The following VPS51 variants were observed in gnomAD, a reference collection of about 807,000 sequenced individuals.
The protein encoded by VPS51 is vacuolar protein sorting-associated protein 51 homolog.
Under a neutral mutation model 65.1 loss-of-function variants are expected in VPS51, and 55 were observed. The ratio of observed to expected loss-of-function variants is 0.84; its 90% CI spans 0.68 to 1.06. VPS51 has a LOEUF of 1.06. Ranked by LOEUF, VPS51 falls within the 50% of genes least tolerant of loss-of-function variation. The probability of loss-of-function intolerance (pLI) is 0.00; values close to 1 mark genes in which losing one functional copy is unlikely to be tolerated. For synonymous variants in VPS51, 473 were observed against 489.5 expected (o/e 0.97, Z 0.44); for missense variants, 943 against 1,101.6 (o/e 0.86, Z 2.04).
Position 65,109,918 on chromosome 11 carries a change from G to A in VPS51, c.1873G>A (p.Val625Met), listed in dbSNP as rs780357113. Residue 625 changes from valine (V) to methionine (M), a missense_variant, in exon 7 of 10, where the codon GTG (valine) becomes ATG (methionine). Physicochemically the swap from Val to Met is conservative, Grantham distance 21. Around this residue, in one of 2 missense-constraint regions of VPS51, gnomAD observed 855 missense variants for 953.7 expected, o/e 0.90. Transcript: ENST00000279281. ...RVVEDTTAID[V>M]QVGLLYEEGV... ...GGTGGAGGATACCACCGCCATCGAC[G>A]TGCAGGTGCTGCCCAGGCTGGCCGG... The A allele has an allele frequency of 5.6e-6, 9 of 1,597,708 alleles. No individual in the cohort carries two copies. Among genetic ancestry groups the A allele is most frequent in the Admixed American group, 1.7e-5 (1 of 57,996 alleles).
At position 65,111,398 on chromosome 11, in the gene VPS51, T is replaced by G. The variant is rs1017320178; in HGVS notation, c.2160T>G (p.Phe720Leu). ...TGGAGTGTGTGCGGCTGCGCACCTTTGGGCGCTTCGGGCTGCAGCAGGTGC... is the reference window on the plus strand; with the variant it reads ...TGGAGTGTGTGCGGCTGCGCACCTTGGGGCGCTTCGGGCTGCAGCAGGTGC... ...TLLECVRLRT[F>L]GRFGLQQVQV... Residue 720 changes from phenylalanine (F) to leucine (L), a missense_variant, in exon 10 of 10, where the codon TTT (phenylalanine) becomes TTG (leucine). Around this residue, in one of 2 missense-constraint regions of VPS51, gnomAD observed 88 missense variants for 147.8 expected, o/e 0.60. Coordinates refer to ENST00000279281, the MANE Select transcript of VPS51 (RefSeq NM_013265.4). The G allele has an allele frequency of 6.2e-7, 1 of 1,612,996 alleles. No homozygotes were observed. The highest frequency in any genetic ancestry group is 8.5e-7 in the Non-Finnish European group (1 of 1,180,024).
At chr11:65,103,881 G>A (rs1201645213) in intron 2 of VPS51, among the ~76,000 whole-genome samples, 3 of 150,156 alleles carry the variant, frequency 2.0e-5, no homozygotes, top group Non-Finnish European at 3.0e-5. Context: ...TTATAGTAAC[G>A]TTTACAGGGT....
In VPS51 at chr11:65,111,317, CT is replaced by C; in HGVS notation, c.2089-9del. The C allele has an allele frequency of 6.2e-7, 1 of 1,601,328 alleles. No homozygotes were observed. The highest frequency in any genetic ancestry group is 8.5e-7 in the Non-Finnish European group (1 of 1,179,706). ...GTCCCCAAGCTGCATCCCTGTGTCC[CT>C]GCCTGCAGGTGTCGGTGCTGACCGG... On this transcript the variant is annotated splice_polypyrimidine_tract_variant and intron_variant, in intron 9 of 9. Coordinates refer to ENST00000279281, the MANE Select transcript of VPS51 (RefSeq NM_013265.4).
At chr11:65,111,299 A>G (rs948309517) in intron 9 of VPS51, 28 bp from the exon 10 acceptor site, 8 of 1,599,504 alleles carry the variant, frequency 5.0e-6, no homozygotes, top group African/African-American at 2.7e-5. Flanking sequence ...GCAGTCCCCA[A>G]GCTGCATCCC....
At position 65,107,364 on chromosome 11, in the gene VPS51, G is replaced by A. The variant is rs1378685766; in HGVS notation, c.359-217G>A. ...CTGGGCACCAGGGTTAGGGGGTTAC[G>A]GGGAGTATGTGAGTAACGCCTGCTT... is the stretch of plus-strand genomic sequence containing the variant. On this transcript the variant is annotated intron_variant, in intron 2 of 9. Transcript: ENST00000279281. This position sits in a 1 kb window ranked among gnomAD's most constrained non-coding sequence, Gnocchi z 4.0. 3 of 643,080 alleles carry A rather than the reference G, an allele frequency of 4.7e-6. No individual in the cohort carries two copies. Among genetic ancestry groups the A allele is most frequent in the Admixed American group, 2.4e-5 (1 of 41,800 alleles). The allele number at this position is 643,080 out of a possible 1,614,324, so 39.8% of individuals were successfully genotyped here.
intron 2 of VPS51, among the ~76,000 whole-genome samples, chr11:65,101,786 A>G (rs1288445662): frequency 1.3e-5 from 2 of 148,954 alleles, no homozygotes; most frequent in African/African-American, 2.5e-5. Context: ...AAAAAAAAAA[A>G]AAAAAGAAAA....
Position 65,108,640 on chromosome 11 carries a change from G to C in VPS51, c.1169G>C (p.Gly390Ala). 6.5e-7 allele frequency: 1 copy of C among 1,537,590 alleles called. No homozygotes were observed. Among genetic ancestry groups the C allele is most frequent in the East Asian group, 2.4e-5 (1 of 41,710 alleles). ...CCCGGGGCCCTGCTGGCCGCTGCCG[G>C]GCTCGCAGACGCTGCCACGGAGATC... ...RAPGALLAAA[G>A]LADAATEIVE... Residue 390 changes from glycine (G) to alanine (A), a missense_variant, in exon 5 of 10, where the codon GGG becomes GCG. By Grantham distance (60) the Gly-to-Ala change is moderately conservative. Transcript: ENST00000279281.
At chr11:65,110,428 G>A (rs1317761996) in intron 7 of VPS51, 54 bp from the exon 8 acceptor site, 3 of 1,612,868 alleles carry the variant, frequency 1.9e-6, no homozygotes, top group Non-Finnish European at 2.5e-6. Context: ...GCACCGATGG[G>A]CTGGTGGTTT....
In VPS51 at chr11:65,109,489, G is replaced by T. The variant is rs151261210; in HGVS notation, c.1653G>T (p.Leu551=). 2.5e-6 allele frequency: 4 copies of T among 1,605,596 alleles called. No individual in the cohort carries two copies. The highest frequency in any genetic ancestry group is 2.7e-5 in the African/African-American group (2 of 74,934). Residue 551 remains leucine, a synonymous_variant, in exon 6 of 10, where the codon CTG becomes CTT. Transcript: ENST00000279281. Reference sequence around the variant, plus strand: ...TCACTCTCACTGATGAACAGTTTCTGGTGCAGGTGAAGCACTAGCTCCTAG... The same window carrying T: ...TCACTCTCACTGATGAACAGTTTCTTGTGCAGGTGAAGCACTAGCTCCTAG... ...YILTLTDEQF[L]VQDQFPVTPV... is the part of the protein sequence containing the mutation.
At chr11:65,103,902 G>GTTTTTTTTTTTTTTTTTTT (rs200634225) in intron 2 of VPS51, among the ~76,000 whole-genome samples, 1 of 135,358 alleles carries the variant, frequency 7.4e-6, no homozygotes. Flanking sequence ...GTTTTTTTTT[G>GTTTTTTTTTTTTTTTTTTT]TTTTTTTTTT....
chr11:65,107,726 A>G lies in VPS51; in HGVS notation c.504A>G (p.Ala168=). Residue 168 remains alanine, a splice_region_variant and synonymous_variant, in exon 3 of 10, where the codon GCA becomes GCG. Coordinates refer to ENST00000279281, the MANE Select transcript of VPS51 (RefSeq NM_013265.4). This position sits in a 1 kb window ranked among gnomAD's most constrained non-coding sequence, Gnocchi z 4.0. ...GCCACGAGCGCATCACCAAGCTGGC[A>G]GGTGGGCGCTGCCGGGCAGGGCCTG... ...QDRHERITKL[A]GVHALLRKLQ... is the part of the protein sequence containing the mutation. 6.2e-7 allele frequency: 1 copy of G among 1,607,400 alleles called. No homozygotes were observed. Among genetic ancestry groups the G allele is most frequent in the Non-Finnish European group, 8.5e-7 (1 of 1,176,190 alleles).
intron 2 of VPS51, among the ~76,000 whole-genome samples, chr11:65,100,962 T>C (rs942210403): frequency 1.3e-5 from 2 of 152,170 alleles, no homozygotes; most frequent in Non-Finnish European, 2.9e-5. Flanking sequence ...AAAATAGATA[T>C]AACATACTGA....
Position 65,108,219 on chromosome 11 carries a change from G to A in VPS51, c.748G>A (p.Glu250Lys), listed in dbSNP as rs749238510. Residue 250 changes from glutamate (E) to lysine (K), a missense_variant, in exon 5 of 10, where the codon GAG becomes AAG. By Grantham distance (56) the Glu-to-Lys change is moderately conservative. Coordinates refer to ENST00000279281, the MANE Select transcript of VPS51 (RefSeq NM_013265.4). ...RFREGGSGAP[E>K]QAECVELLLA... is the part of the protein sequence containing the mutation. The stretch of plus-strand genomic sequence containing the variant: ...CAGGGAGGGCGGCTCAGGCGCCCCG[G>A]AGCAGGCAGAGTGCGTGGAGCTGCT... The A allele has an allele frequency of 8.8e-6, 14 of 1,599,750 alleles. No individual in the cohort carries two copies. The East Asian group carries it at 1.1e-4, about 13-fold the overall frequency.
At chr11:65,106,053 C>T (rs1947839630) in intron 2 of VPS51, among the ~76,000 whole-genome samples, 1 of 152,192 alleles carries the variant, frequency 6.6e-6, no homozygotes, top group African/African-American at 2.4e-5. Flanking sequence ...ACCAAAATAT[C>T]TCCTGTTACA....
chr11:65,108,410 C>T lies in VPS51; in HGVS notation c.939C>T (p.Gly313=), dbSNP rs138904279. ...ACCATGGAGGCAGTGGCTTCGTGGG[C>T]GGCCTCTGCCAGGTGGCGGCGGCCT... The part of the protein sequence containing the change: ...FTDHGGSGFV[G]GLCQVAAAYQ... Residue 313 remains glycine, a synonymous_variant, in exon 5 of 10, where the codon GGC becomes GGT. Coordinates refer to ENST00000279281, the MANE Select transcript of VPS51 (RefSeq NM_013265.4). 1.8e-4 allele frequency: 288 copies of T among 1,612,040 alleles called. 3 individuals carry two copies. Among genetic ancestry groups the T allele is most frequent in the African/African-American group, 1.4e-3 (104 of 75,034 alleles).
At chr11:65,110,940 G>A in intron 9 of VPS51, 159 bp downstream of exon 9, 2 of 819,480 alleles carry the variant, frequency 2.4e-6, no homozygotes, top group Admixed American at 4.8e-5. Flanking sequence ...GTAGTACAGA[G>A]TGCCCTGCCT....
At chr11:65,109,516 C>T (rs923829142) in intron 6 of VPS51, 21 bp downstream of exon 6, 32 of 1,602,616 alleles carry the variant, frequency 2.0e-5, no homozygotes, top group African/African-American at 8.0e-5. Flanking sequence ...AGCTCCTAGC[C>T]GGGCAGGGAA....
chr11:65,110,574 G>A lies in VPS51; in HGVS notation c.1971G>A (p.Gln657=), dbSNP rs1476131028. The stretch of plus-strand genomic sequence containing the variant: ...CCGTGTACAGCAGCTCTCGGCAGCA[G>A]GGCCGCTACGCCCCCAGCTATACCC... ...TFSVYSSSRQ[Q]GRYAPSYTPS... The change falls in exon 8 of 10, where the codon CAG becomes CAA. Residue 657 remains glutamine, a synonymous_variant. Coordinates refer to ENST00000279281, the MANE Select transcript of VPS51 (RefSeq NM_013265.4). 1 of 1,613,926 alleles carries A rather than the reference G, an allele frequency of 6.2e-7. No homozygotes were observed. The highest frequency in any genetic ancestry group is 2.2e-5 in the East Asian group (1 of 44,892).
chr11:65,109,728 G>C lies in VPS51; in HGVS notation c.1683G>C (p.Val561=), dbSNP rs146532296. 449 of 1,581,682 alleles carry C rather than the reference G, an allele frequency of 2.8e-4. No individual in the cohort carries two copies. The highest frequency in any genetic ancestry group is 3.6e-4 in the Non-Finnish European group (421 of 1,163,866). ...LVQDQFPVTP[V]STLCAEARET... The stretch of plus-strand genomic sequence containing the variant: ...AGGATCAGTTCCCAGTGACGCCCGT[G>C]AGCACGCTGTGTGCAGAGGCCAGGG... The change falls in exon 7 of 10, where the codon GTG becomes GTC. Residue 561 remains valine, a synonymous_variant. Transcript: ENST00000279281.
Sources: gnomAD v4.1 joint callset for allele counts (sites outside exome capture counted in the v4.1 genomes callset) on GRCh38, gnomAD v4.1.1 for gene constraint, gnomAD v4.1.1 regional missense constraint, Gnocchi (gnomAD v3.1) non-coding constraint, MANE v1.5 for transcripts, NCBI Gene and HGNC (gene_info 2026-07-23, HGNC 2026-07-21) for gene names.